NBPF20: variants seen among roughly 807,000 people sequenced by gnomAD.
The protein encoded by NBPF20 is NBPF family member NBPF20.
In NBPF20, 90 loss-of-function variants were observed where a neutral mutation model predicts 68.1. The ratio of observed to expected loss-of-function variants is 1.32; its 90% CI spans 1.11 to 1.58. The LOEUF (loss-of-function observed/expected upper bound fraction) is 1.58. NBPF20 is among the 40% of genes most tolerant of loss of function. The pLI, the probability that NBPF20 is intolerant of heterozygous loss-of-function variation, is 0.00. For synonymous variants in NBPF20, 290 were observed against 228.1 expected (o/e 1.27, Z -2.45); for missense variants, 816 against 601.2 (o/e 1.36, Z -3.74).
At chr1:145,394,356 G>A in intron 8 of NBPF20, among the ~76,000 whole-genome samples, 1 of 151,764 alleles carries the variant, frequency 6.6e-6, no homozygotes, top group South Asian at 2.1e-4. Flanking sequence ...ACCAGCTCTT[G>A]AGTCAAAATG....
chr1:145,400,913 C>A (rs1234502824), intron 5 of NBPF20, 146 bp downstream of exon 10: 2 of 1,046,986 alleles, frequency 1.9e-6, no homozygotes, highest in African/African-American at 1.6e-5. Context: ...GCTGCCGCAC[C>A]CTGTGTCTAA....
upstream of NBPF20, chr1:145,405,856 T>A (rs1374193133): frequency 9.4e-6 from 2 of 212,066 alleles, no homozygotes; most frequent in Non-Finnish European, 1.9e-5. Flanking sequence ...ATTTTCTTAA[T>A]GGTAGTCATG....
rs1161713991 is a variant in NBPF20, at chr1:145,402,637, C to T, written c.279-256G>A. On this transcript the variant is annotated intron_variant, in intron 3 of 137. Coordinates refer to ENST00000369373, the Ensembl canonical transcript of NBPF20. ...CCCTTCTGTAAACAAAAGTAGGTGTCTTCCTAATTCCGTTTCAAAAAGACA... is the reference window on the plus strand; with the variant it reads ...CCCTTCTGTAAACAAAAGTAGGTGTTTTCCTAATTCCGTTTCAAAAAGACA... Among the ~76,000 whole-genome samples, 45 of 150,496 alleles carry T rather than the reference C, an allele frequency of 3.0e-4. 1 individual carries two copies. The South Asian group carries it at 7.7e-3, about 26-fold the overall frequency.
At chr1:145,400,994 G>T (rs1410770908) in intron 5 of NBPF20, 65 bp downstream of exon 10, 1 of 1,528,370 alleles carries the variant, frequency 6.5e-7, no homozygotes, top group Non-Finnish European at 9.0e-7. Flanking sequence ...GCCAGAGAGG[G>T]TGTGCCTCCT....
At chr1:145,398,797 TG>T (rs1269072914) in intron 7 of NBPF20, among the ~76,000 whole-genome samples, 1 of 151,480 alleles carries the variant, frequency 6.6e-6, no homozygotes, top group Admixed American at 6.6e-5. Flanking sequence ...GCTGGTTTTT[TG>T]AAAAGATCAA....
At chr1:145,292,158 G>A (rs1360680754) in intron 137 of NBPF20, among the ~76,000 whole-genome samples, 2 of 149,856 alleles carry the variant, frequency 1.3e-5, no homozygotes, top group South Asian at 2.1e-4. Flanking sequence ...GGCCATGAGA[G>A]TACAGCTTTT....
chr1:145,399,725 C>G (rs1484163377), intron 6 of NBPF20, among the ~76,000 whole-genome samples: 71 of 128,106 alleles, frequency 5.5e-4, no homozygotes, highest in Non-Finnish European at 9.5e-4. Context: ...TGCACCAAGC[C>G]AAGATGGTGC....
intron 136 of NBPF20, among the ~76,000 whole-genome samples, chr1:145,292,854 G>C (rs1273704399): frequency 6.3e-5 from 4 of 63,696 alleles, no homozygotes; most frequent in African/African-American, 2.4e-4. Context: ...ATTGTTCATG[G>C]TTGTGAGGAC....
At chr1:145,394,058 G>T (rs1194537903) in intron 8 of NBPF20, 123 bp from the exon 14 acceptor site, 11 of 725,180 alleles carry the variant, frequency 1.5e-5, no homozygotes, top group Non-Finnish European at 2.7e-5. Context: ...AGGAGACTTT[G>T]AGAGAAATAT....
At chr1:145,398,439 A>T (rs1662363909) in intron 7 of NBPF20, among the ~76,000 whole-genome samples, 1 of 152,134 alleles carries the variant, frequency 6.6e-6, no homozygotes, top group African/African-American at 2.4e-5. Context: ...AAAACCGCAC[A>T]ACTACATGGA....
chr1:145,402,516 T>C, intron 3 of NBPF20, 135 bp from the exon 9 acceptor site: 2 of 801,436 alleles, frequency 2.5e-6, no homozygotes, highest in Non-Finnish European at 4.4e-6. Flanking sequence ...TAAAGGAATG[T>C]CTGTGGCCAA....
At chr1:145,407,542 G>A (rs1334384167), upstream of NBPF20, among the ~76,000 whole-genome samples, 25 of 145,258 alleles carry the variant, frequency 1.7e-4, no homozygotes, top group African/African-American at 5.6e-4. Context: ...TATATAATAC[G>A]TGTATATACA....
At chr1:145,397,540 A>G (rs1256735230) in intron 7 of NBPF20, among the ~76,000 whole-genome samples, 1 of 152,188 alleles carries the variant, frequency 6.6e-6, no homozygotes, top group African/African-American at 2.4e-5. Context: ...ATGCTGAGAG[A>G]TTTTGTCACC....
chr1:145,402,042 G>A (rs2101577591), intron 4 of NBPF20, 125 bp downstream of exon 9: 1 of 718,782 alleles, frequency 1.4e-6, no homozygotes, highest in East Asian at 2.7e-5. Context: ...TCCTGGTCAT[G>A]TCATGGCCAC....
intron 2 of NBPF20, among the ~76,000 whole-genome samples, chr1:145,404,068 G>A (rs1320617344): frequency 8.4e-6 from 1 of 118,652 alleles, no homozygotes; most frequent in Non-Finnish European, 1.7e-5. Flanking sequence ...GGACAGACAA[G>A]ACAAGCAACA....
chr1:145,393,989 C>G lies in NBPF20; in HGVS notation c.992-54G>C, dbSNP rs1312182108. 121 of 912,010 alleles carry G rather than the reference C, an allele frequency of 1.3e-4. No homozygotes were observed. In the East Asian group the frequency reaches 2.3e-3, roughly 18 times the overall value. 56.5% of individuals were successfully genotyped at this position (912,010 alleles called of 1,614,324 possible). ...ACATTAAGCAGTTCTTCCTTGCACA[C>G]AGAAACATTCCTCTGTCCAATCCTA... On this transcript the variant is annotated intron_variant, in intron 8 of 137. Coordinates refer to ENST00000369373, the Ensembl canonical transcript of NBPF20.
chr1:145,393,372 A>C lies in NBPF20; in HGVS notation c.1044-126T>G. The C allele has an allele frequency of 5.6e-6, 4 of 711,450 alleles. No individual in the cohort carries two copies. The South Asian group carries it at 6.1e-5, about 11-fold the overall frequency. 44.1% of individuals were successfully genotyped at this position (711,450 alleles called of 1,614,324 possible). On this transcript the variant is annotated intron_variant, in intron 9 of 137. Coordinates refer to ENST00000369373, the Ensembl canonical transcript of NBPF20. ...AAAAGGACAGATCCATTAATGAGGT[A>C]AGAAATTATTGCCTTTATGTTGGGA...
upstream of NBPF20, among the ~76,000 whole-genome samples, chr1:145,405,941 CAG>C (rs1553667224): frequency 1.3e-5 from 2 of 148,528 alleles, no homozygotes; most frequent in Non-Finnish European, 3.0e-5. Flanking sequence ...TTTTTGGAGA[CAG>C]AGTCTCACTC....
chr1:145,311,990 C>G (rs1390102439), intron 112 of NBPF20, among the ~76,000 whole-genome samples: 1 of 73,700 alleles, frequency 1.4e-5, no homozygotes, highest in Admixed American at 1.4e-4. Context: ...TAGGGCGCCA[C>G]AGGCATGGCC....
Sources: allele counts gnomAD v4.1 joint callset (sites outside exome capture counted in the v4.1 genomes callset), GRCh38; gene constraint gnomAD v4.1.1; transcripts MANE v1.5; gene names NCBI Gene and HGNC (gene_info 2026-07-23, HGNC 2026-07-21).